AFF1: variants seen among roughly 807,000 people sequenced by gnomAD.
AFF1 encodes ALF transcription elongation factor 1, also known as AF4/FMR2 family member 1.
AFF1 carries 48 observed loss-of-function variants against 121.7 expected under a neutral mutation model. The observed-to-expected ratio is 0.39, with a 90% CI of 0.31 to 0.50. The LOEUF is 0.50. AFF1 is among the 20% of genes least tolerant of loss of function. AFF1 has a pLI of 0.76. For missense variants in AFF1, 1,523 were observed against 1,511.7 expected (o/e 1.01, Z -0.12); for synonymous variants, 613 against 563.0 (o/e 1.09, Z -1.26).
rs1726870325 is a variant in AFF1, at chr4:87,114,482, A to G, written c.1649A>G (p.Glu550Gly). The change falls in exon 12 of 21, where the codon GAG becomes GGG. Residue 550 changes from glutamate to glycine, a missense_variant. Glu to Gly is a moderately conservative substitution (Grantham distance 98). This residue lies in a region of AFF1 where 905 missense variants were observed against 842.5 expected (regional missense o/e 1.07). Transcript: ENST00000395146. ...ACAGAGCCCCCACGGCGGCACCCAG[A>G]GAGTAAGGGCAGCAGCGACAGTGCC... is the stretch of plus-strand genomic sequence containing the variant. ...RSTEPPRRHP[E>G]SKGSSDSATS... The G allele has an allele frequency of 1.9e-6, 3 of 1,613,582 alleles. No individual in the cohort carries two copies. The highest frequency in any genetic ancestry group is 8.5e-7 in the Non-Finnish European group (1 of 1,179,984).
At chr4:86,974,259 T>G (rs1253491698) in intron 2 of AFF1, among the ~76,000 whole-genome samples, 1 of 152,172 alleles carries the variant, frequency 6.6e-6, no homozygotes, top group African/African-American at 2.4e-5. Flanking sequence ...GTGATTCTCC[T>G]GCCTCAGCCT....
intron 6 of AFF1, among the ~76,000 whole-genome samples, chr4:87,090,664 A>G (rs559746057): frequency 6.6e-6 from 1 of 152,184 alleles, no homozygotes; most frequent in Non-Finnish European, 1.5e-5. Context: ...TTTTATATAC[A>G]TAATACATAT....
At chr4:87,028,209 C>T (rs1003850560) in intron 2 of AFF1, among the ~76,000 whole-genome samples, 1 of 152,092 alleles carries the variant, frequency 6.6e-6, no homozygotes, top group African/African-American at 2.4e-5. Context: ...TGTGTCCATC[C>T]ATTAATGTAT....
At chr4:87,126,391 G>A (rs1362589276) in intron 14 of AFF1, 55 bp downstream of exon 14, 27 of 1,531,664 alleles carry the variant, frequency 1.8e-5, no homozygotes, top group Admixed American at 5.1e-5. Flanking sequence ...GTACCTTTAC[G>A]TTCCCAAAGA....
intron 4 of AFF1, among the ~76,000 whole-genome samples, chr4:87,049,022 C>G (rs1216811716): frequency 1.5e-5 from 2 of 134,406 alleles, no homozygotes; most frequent in Non-Finnish European, 3.1e-5. Context: ...CAATAAAGAA[C>G]TCAATGAGAG....
intron 2 of AFF1, chr4:87,007,003 T>C (rs1020720078): frequency 9.1e-7 from 1 of 1,096,464 alleles, no homozygotes; most frequent in Non-Finnish European, 1.1e-6. Flanking sequence ...TTTCTTTTCC[T>C]TTCTAACTGT....
chr4:87,005,815 A>AT (rs1553915809), intron 2 of AFF1, among the ~76,000 whole-genome samples: 3 of 152,210 alleles, frequency 2.0e-5, no homozygotes, highest in African/African-American at 7.2e-5. Flanking sequence ...CTTAAAAAAA[A>AT]ATAACGTGTG....
At position 87,087,840 on chromosome 4, in the gene AFF1, T is replaced by C. The variant is rs144510386; in HGVS notation, c.1105-2144T>C. 6.8e-3 allele frequency among the ~76,000 whole-genome samples: 1,034 copies of C among 152,270 alleles called. 13 individuals are homozygous for C. The highest frequency in any genetic ancestry group is 0.024 in the African/African-American group (991 of 41,568). Reference sequence around the variant, plus strand: ...TATTGAAAAACATAAGGGTGATGTTTTCAGATACCTTCTCAATTAATTATT... The same window carrying C: ...TATTGAAAAACATAAGGGTGATGTTCTCAGATACCTTCTCAATTAATTATT... On this transcript the variant is annotated intron_variant, in intron 5 of 20. Transcript: ENST00000395146.
At chr4:87,070,129 GAGT>G (rs1339427098) in intron 4 of AFF1, among the ~76,000 whole-genome samples, 1 of 152,224 alleles carries the variant, frequency 6.6e-6, no homozygotes, top group African/African-American at 2.4e-5. Flanking sequence ...TCAGCCTCCT[GAGT>G]AGCTGGGATT....
intron 4 of AFF1, among the ~76,000 whole-genome samples, chr4:87,081,382 C>A (rs1489861532): frequency 6.6e-6 from 1 of 151,966 alleles, no homozygotes; most frequent in East Asian, 1.9e-4. Flanking sequence ...AGGATGGTCT[C>A]TTATCTCTTG....
chr4:87,084,643 C>T (rs1723539825), intron 5 of AFF1, among the ~76,000 whole-genome samples: 1 of 151,894 alleles, frequency 6.6e-6, no homozygotes, highest in Non-Finnish European at 1.5e-5. Flanking sequence ...CCCTTTTAAC[C>T]ATTTCTCCCC....
At position 86,945,993 on chromosome 4, in the gene AFF1, T is replaced by C. The variant is rs142446538; in HGVS notation, c.-36-2505T>C. Among the ~76,000 whole-genome samples the C allele has an allele frequency of 7.2e-5, 11 of 152,294 alleles. No individual in the cohort carries two copies. In the East Asian group the frequency reaches 2.1e-3, roughly 29 times the overall value. ...ACAAAAAATTGGCTCACATTGTACA[T>C]TTTATTTAGATCTTGCTTAGATTAA... On this transcript the variant is annotated intron_variant, in intron 1 of 20. Transcript: ENST00000395146.
chr4:87,049,624 G>T (rs1236308222), intron 4 of AFF1: 2 of 455,990 alleles, frequency 4.4e-6, no homozygotes, highest in Non-Finnish European at 8.8e-6. Flanking sequence ...TGGAGTAGAA[G>T]TAAACCTTTC....
chr4:87,118,185 CAGA>C (rs1032198714), intron 12 of AFF1, among the ~76,000 whole-genome samples: 1 of 152,208 alleles, frequency 6.6e-6, no homozygotes, highest in Non-Finnish European at 1.5e-5. Flanking sequence ...TATTTTCTTT[CAGA>C]AGATTTACAG....
At chr4:87,082,163 TC>T (rs1723242862) in intron 4 of AFF1, among the ~76,000 whole-genome samples, 1 of 152,212 alleles carries the variant, frequency 6.6e-6, no homozygotes, top group Non-Finnish European at 1.5e-5. Context: ...GAATATTTTT[TC>T]CAGACTCAGC....
chr4:87,063,126 A>G (rs1332309780), intron 4 of AFF1, among the ~76,000 whole-genome samples: 2 of 149,732 alleles, frequency 1.3e-5, no homozygotes, highest in Non-Finnish European at 3.0e-5. Context: ...CTTTATATCG[A>G]TGTCTGGCAT....
In AFF1 at chr4:87,011,900, T is replaced by C. The variant is rs548932695; in HGVS notation, c.39-34266T>C. On this transcript the variant is annotated intron_variant, in intron 2 of 20. Transcript: ENST00000395146. ...TTTGGCAAAACTAACTCAAGTGATCTCTCGAGATTTTGCTGGATTTTATAC... is the reference window on the plus strand; with the variant it reads ...TTTGGCAAAACTAACTCAAGTGATCCCTCGAGATTTTGCTGGATTTTATAC... Among the ~76,000 whole-genome samples the C allele has an allele frequency of 8.4e-4, 128 of 152,320 alleles. No homozygotes were observed. In the South Asian group the frequency reaches 0.011, roughly 13 times the overall value.
intron 1 of AFF1, among the ~76,000 whole-genome samples, chr4:86,943,371 A>G (rs1176670008): frequency 6.6e-6 from 1 of 152,220 alleles, no homozygotes; most frequent in Non-Finnish European, 1.5e-5. Flanking sequence ...AGACTAAAAC[A>G]GAATGTATGT....
intron 16 of AFF1, among the ~76,000 whole-genome samples, chr4:87,128,238 A>AT (rs1257464746): frequency 6.6e-6 from 1 of 152,214 alleles, no homozygotes; most frequent in African/African-American, 2.4e-5. Context: ...ATTAGATGAG[A>AT]TTTTAAGATG....
Sources: gnomAD v4.1 joint callset for allele counts (sites outside exome capture counted in the v4.1 genomes callset) on GRCh38, gnomAD v4.1.1 for gene constraint, gnomAD v4.1.1 regional missense constraint, MANE v1.5 for transcripts, NCBI Gene and HGNC (gene_info 2026-07-23, HGNC 2026-07-21) for gene names.